LVRN: variants seen among roughly 807,000 people sequenced by gnomAD.
The protein encoded by LVRN is laeverin, also known as aminopeptidase Q.
In LVRN, 99 loss-of-function variants were observed where a neutral mutation model predicts 111.4. The observed-to-expected ratio is 0.89, with a 90% CI of 0.76 to 1.05. The LOEUF (loss-of-function observed/expected upper bound fraction) is 1.05, where lower values mean the gene tolerates loss of function less well. LVRN is among the 50% of genes least tolerant of loss of function. LVRN has a pLI of 0.00. For synonymous variants in LVRN, 488 were observed against 449.5 expected (o/e 1.09, Z -1.08); for missense variants, 1,414 against 1,206.8 (o/e 1.17, Z -2.54).
chr5:115,964,937 C>CA, intron 1 of LVRN, among the ~76,000 whole-genome samples: 1 of 152,182 alleles, frequency 6.6e-6, no homozygotes, highest in Admixed American at 6.5e-5. Context: ...AGCTTGAAGC[C>CA]AGGGTCATGA....
In LVRN at chr5:116,000,577, T is replaced by G; in HGVS notation, c.1582-16T>G. ...GCATGCTATTTATTTTAACCTTAAC[T>G]TTTCTATTTTTACAGTCATATTTGA... On this transcript the variant is annotated splice_polypyrimidine_tract_variant and intron_variant, in intron 8 of 19. Coordinates refer to ENST00000357872, the MANE Select transcript of LVRN (RefSeq NM_173800.5). 1.4e-5 allele frequency: 23 copies of G among 1,613,720 alleles called. No individual in the cohort carries two copies. The highest frequency in any genetic ancestry group is 1.6e-5 in the Non-Finnish European group (19 of 1,179,644).
chr5:116,017,379 C>G (rs1445138219), intron 18 of LVRN, among the ~76,000 whole-genome samples: 2 of 152,236 alleles, frequency 1.3e-5, no homozygotes, highest in African/African-American at 4.8e-5. Flanking sequence ...ATGTGAAGCA[C>G]ACACAGGCTG....
At chr5:115,970,642 C>T (rs182124619) in intron 1 of LVRN, among the ~76,000 whole-genome samples, 2 of 152,268 alleles carry the variant, frequency 1.3e-5, no homozygotes, top group African/African-American at 4.8e-5. Flanking sequence ...ACCTTGGCCT[C>T]CCAAAGTGCT....
chr5:115,991,309 T>C (rs1747981362), intron 4 of LVRN, among the ~76,000 whole-genome samples: 1 of 152,202 alleles, frequency 6.6e-6, no homozygotes. Context: ...TATGTAGCTT[T>C]CCCAGACCAG....
intron 5 of LVRN, 112 bp from the exon 6 acceptor site, chr5:115,993,629 A>T (rs1434167288): frequency 5.8e-6 from 4 of 689,580 alleles, no homozygotes; most frequent in Admixed American, 3.4e-5. Context: ...TTGATGGCAA[A>T]TAAATTTTAA....
rs1176610936 is a variant in LVRN, at chr5:115,983,429, G to A, written c.838G>A (p.Gly280Ser). ...YVALSNMPKL[G>S]QSEKEDVNGS... ...GGCCCTTTCCAACATGCCAAAGCTAGGTAAGTAATGCTTTCTGTCTATATC... is the reference window on the plus strand; with the variant it reads ...GGCCCTTTCCAACATGCCAAAGCTAAGTAAGTAATGCTTTCTGTCTATATC... Residue 280 changes from glycine to serine, a missense_variant and splice_region_variant, in exon 2 of 20, where the codon GGT becomes AGT. By Grantham distance (56) the Gly-to-Ser change is moderately conservative (BLOSUM62 0). Coordinates refer to ENST00000357872, the MANE Select transcript of LVRN (RefSeq NM_173800.5). 6.3e-7 allele frequency: 1 copy of A among 1,594,970 alleles called. No homozygotes were observed. Among genetic ancestry groups the A allele is most frequent in the Non-Finnish European group, 8.5e-7 (1 of 1,173,920 alleles).
chr5:116,013,927 G>A (rs761463365), intron 15 of LVRN, among the ~76,000 whole-genome samples: 10 of 152,158 alleles, frequency 6.6e-5, no homozygotes, highest in Non-Finnish European at 1.3e-4. Context: ...TAACAGCCAG[G>A]AGGAGTAGAA....
intron 1 of LVRN, among the ~76,000 whole-genome samples, chr5:115,964,547 G>A (rs1340503488): frequency 6.6e-6 from 1 of 151,978 alleles, no homozygotes; most frequent in South Asian, 2.1e-4. Context: ...TGTAGGTCAG[G>A]GTGCAAAATA....
Position 116,024,219 on chromosome 5 carries a change from T to C in LVRN, c.2832+1753T>C, listed in dbSNP as rs140921093. On this transcript the variant is annotated intron_variant, in intron 19 of 19. Transcript: ENST00000357872. ...TTACAGTTTAAGTAGATCTAGTTTATTGTACATAAATTAAATCCCGATAAA... is the reference window on the plus strand; with the variant it reads ...TTACAGTTTAAGTAGATCTAGTTTACTGTACATAAATTAAATCCCGATAAA... 5.8e-3 allele frequency among the ~76,000 whole-genome samples: 879 copies of C among 152,286 alleles called. 4 individuals carry two copies. Among genetic ancestry groups the C allele is most frequent in the Non-Finnish European group, 9.3e-3 (630 of 68,030 alleles).
At chr5:115,973,276 C>A (rs929156196) in intron 1 of LVRN, among the ~76,000 whole-genome samples, 5 of 152,026 alleles carry the variant, frequency 3.3e-5, no homozygotes, top group Non-Finnish European at 7.4e-5. Flanking sequence ...GATGCATTAG[C>A]CTTTTAATAT....
chr5:116,003,631 G>T (rs1320174305), intron 12 of LVRN, among the ~76,000 whole-genome samples: 3 of 149,448 alleles, frequency 2.0e-5, no homozygotes, highest in Non-Finnish European at 3.0e-5. Context: ...GCCCAGGCTG[G>T]AGTGCAGTGA....
chr5:116,015,886 T>C, intron 18 of LVRN, 121 bp downstream of exon 18: 1 of 1,217,574 alleles, frequency 8.2e-7, no homozygotes, highest in Non-Finnish European at 1.1e-6. Flanking sequence ...TCCTTTGCAT[T>C]GACTAGAAAA....
chr5:116,007,227 T>C (rs988766019), intron 13 of LVRN, among the ~76,000 whole-genome samples: 2 of 152,208 alleles, frequency 1.3e-5, no homozygotes, highest in Admixed American at 1.3e-4. Flanking sequence ...GCTATTCCAA[T>C]TGTTTAAATA....
intron 1 of LVRN, among the ~76,000 whole-genome samples, chr5:115,968,599 C>A (rs977792485): frequency 6.6e-6 from 1 of 152,090 alleles, no homozygotes; most frequent in Non-Finnish European, 1.5e-5. Flanking sequence ...TCTGGTCCCC[C>A]ACCCTTTTTG....
At chr5:116,016,793 C>T (rs1051782009) in intron 18 of LVRN, among the ~76,000 whole-genome samples, 2 of 152,056 alleles carry the variant, frequency 1.3e-5, no homozygotes, top group African/African-American at 4.8e-5. Context: ...GCCAGTAGAC[C>T]AGTTGTTCCA....
At chr5:116,007,526 A>G (rs1403649772) in intron 13 of LVRN, among the ~76,000 whole-genome samples, 1 of 152,054 alleles carries the variant, frequency 6.6e-6, no homozygotes, top group Non-Finnish European at 1.5e-5. Flanking sequence ...CCTGACTTTT[A>G]TATGTGCATA....
chr5:115,995,817 G>T (rs548609642), intron 6 of LVRN, among the ~76,000 whole-genome samples: 276 of 152,318 alleles, frequency 1.8e-3, no homozygotes, highest in African/African-American at 6.4e-3. Flanking sequence ...AGTTGCTCAA[G>T]CTCTCATAGT....
intron 10 of LVRN, among the ~76,000 whole-genome samples, chr5:116,001,997 A>G (rs1748247863): frequency 6.6e-6 from 1 of 152,170 alleles, no homozygotes; most frequent in Non-Finnish European, 1.5e-5. Context: ...TAATCTTCAC[A>G]TTTCATTGCA....
intron 9 of LVRN, 73 bp from the exon 10 acceptor site, chr5:116,000,994 C>A: frequency 4.7e-6 from 7 of 1,497,842 alleles, no homozygotes; most frequent in Non-Finnish European, 6.3e-6. Context: ...TACCGAGTTT[C>A]TTTTTGGAGA....
Sources: allele counts gnomAD v4.1 joint callset (sites outside exome capture counted in the v4.1 genomes callset), GRCh38; gene constraint gnomAD v4.1.1; transcripts MANE v1.5; gene names NCBI Gene and HGNC (gene_info 2026-07-23, HGNC 2026-07-21).